BRD1: variants seen among roughly 807,000 people sequenced by gnomAD.
The protein encoded by BRD1 is bromodomain-containing protein 1.
In BRD1, 24 loss-of-function variants were observed where a neutral mutation model predicts 107.7. The observed-to-expected ratio is 0.22, with a 90% CI of 0.16 to 0.31. The LOEUF (loss-of-function observed/expected upper bound fraction) is 0.31. Among genes scored for constraint, BRD1 ranks in the 10% least tolerant of loss-of-function variants. The pLI is 1.00. For missense variants in BRD1, 1,279 were observed against 1,638.6 expected (o/e 0.78, Z 3.79); for synonymous variants, 744 against 686.1 (o/e 1.08, Z -1.32).
intron 11 of BRD1, 114 bp downstream of exon 11, chr22:49,775,936 C>T: frequency 1.6e-6 from 2 of 1,220,366 alleles, no homozygotes; most frequent in Non-Finnish European, 2.3e-6. Flanking sequence ...CCCCGCCCCC[C>T]CGCCAGCTGT....
intron 6 of BRD1, among the ~76,000 whole-genome samples, chr22:49,796,159 C>T (rs1269266496): frequency 5.3e-5 from 8 of 150,970 alleles, no homozygotes; most frequent in Non-Finnish European, 8.8e-5. Context: ...GGCGTAATCT[C>T]GGCTCACTGA....
At chr22:49,801,175 G>A (rs747390048) in intron 3 of BRD1, among the ~76,000 whole-genome samples, 2 of 152,230 alleles carry the variant, frequency 1.3e-5, no homozygotes, top group South Asian at 2.1e-4. Flanking sequence ...GGTGGGCCAC[G>A]GGAGCAGGAG....
chr22:49,824,616 C>T lies in BRD1; in HGVS notation c.-14-285G>A. 8.1e-7 allele frequency: 1 copy of T among 1,238,926 alleles called. No homozygotes were observed. The highest frequency in any genetic ancestry group is 1.0e-6 in the Non-Finnish European group (1 of 980,700). 76.7% of individuals were successfully genotyped at this position (1,238,926 alleles called of 1,614,324 possible). On this transcript the variant is annotated intron_variant, in intron 1 of 12. Transcript: ENST00000404760. The surrounding 1 kb of genome is among the most constrained non-coding windows in gnomAD (Gnocchi z 5.9). ...ACACCAGTCCCCTCTCAGACCACAC[C>T]AACAGGCTGCGGAGACCACAGCAAC...
intron 3 of BRD1, among the ~76,000 whole-genome samples, chr22:49,800,923 G>A (rs951259184): frequency 3.0e-5 from 1 of 33,630 alleles, no homozygotes; most frequent in Non-Finnish European, 5.5e-5. Flanking sequence ...GGTTAAAATC[G>A]CCTCTGCTGG....
chr22:49,787,300 C>CT, intron 8 of BRD1, 90 bp downstream of exon 8: 2 of 157,358 alleles, frequency 1.3e-5, no homozygotes, highest in Admixed American at 9.5e-5. Context: ...AAGCTGGACA[C>CT]CCCCCCCCCC....
intron 8 of BRD1, among the ~76,000 whole-genome samples, chr22:49,779,287 C>T (rs151003530): frequency 1.8e-3 from 270 of 152,254 alleles, no homozygotes; most frequent in East Asian, 0.014. Flanking sequence ...TCAATGAGCA[C>T]GACCGACTTT....
chr22:49,801,248 G>A (rs538202334), intron 3 of BRD1, among the ~76,000 whole-genome samples: 7 of 152,304 alleles, frequency 4.6e-5, no homozygotes, highest in East Asian at 1.9e-4. Context: ...CTAAGCTGCC[G>A]CCCCCGTTCT....
At chr22:49,813,381 G>A (rs1376135818) in intron 2 of BRD1, among the ~76,000 whole-genome samples, 2 of 151,854 alleles carry the variant, frequency 1.3e-5, no homozygotes, top group South Asian at 2.1e-4. Context: ...CCACCACCAC[G>A]ACCAGCTAAT....
chr22:49,786,625 A>C (rs543920966), intron 8 of BRD1, among the ~76,000 whole-genome samples: 80 of 152,318 alleles, frequency 5.3e-4, no homozygotes, highest in African/African-American at 1.9e-3. Flanking sequence ...GTCCTCTCAG[A>C]GGTCCAGGGA....
At chr22:49,786,171 A>G (rs1219954128) in intron 8 of BRD1, among the ~76,000 whole-genome samples, 1 of 152,128 alleles carries the variant, frequency 6.6e-6, no homozygotes, top group East Asian at 1.9e-4. Context: ...ACAGGCAGAC[A>G]GGACAGACGG....
rs1250684480 is a variant in BRD1, at chr22:49,803,616, A to G, written c.1524+588T>C. 3.3e-5 allele frequency among the ~76,000 whole-genome samples: 5 copies of G among 152,178 alleles called. No homozygotes were observed. Among genetic ancestry groups the G allele is most frequent in the Admixed American group, 3.3e-4 (5 of 15,286 alleles). ...AAACTCAAACCTACTATCAAAATGT[A>G]AGAGTTTGGGTTTGTTCTTTTAAAA... On this transcript the variant is annotated intron_variant, in intron 3 of 12. Coordinates refer to ENST00000404760, the MANE Select transcript of BRD1 (RefSeq NM_001304808.3). This position sits in a 1 kb window ranked among gnomAD's most constrained non-coding sequence, Gnocchi z 4.4.
intron 3 of BRD1, among the ~76,000 whole-genome samples, chr22:49,799,806 G>C (rs1454747189): frequency 6.6e-6 from 1 of 152,198 alleles, no homozygotes; most frequent in African/African-American, 2.4e-5. Context: ...CCCTGCAAAG[G>C]CCATGACACA....
At position 49,777,166 on chromosome 22, in the gene BRD1, G is replaced by A. The variant is rs199924628; in HGVS notation, c.2994-5C>T. ...CCACATTTGGGCGCATTAAAGCTTC[G>A]GGAGGAAGAGCAGAGGGAGTCAGGC... is the stretch of plus-strand genomic sequence containing the variant. On this transcript the variant is annotated splice_polypyrimidine_tract_variant and splice_region_variant and intron_variant, in intron 9 of 12. Transcript: ENST00000404760. The A allele has an allele frequency of 2.0e-5, 33 of 1,612,392 alleles. No individual in the cohort carries two copies. Among genetic ancestry groups the A allele is most frequent in the East Asian group, 2.0e-4 (9 of 44,872 alleles).
At chr22:49,802,645 C>T (rs1266690974) in intron 3 of BRD1, among the ~76,000 whole-genome samples, 9 of 127,616 alleles carry the variant, frequency 7.1e-5, no homozygotes, top group African/African-American at 2.4e-4. Flanking sequence ...TCCCCAACAT[C>T]GCGGGGGCCG....
chr22:49,809,391 T>C (rs903023994), intron 2 of BRD1, among the ~76,000 whole-genome samples: 2 of 151,700 alleles, frequency 1.3e-5, no homozygotes, highest in African/African-American at 4.8e-5. Context: ...AATACAAAAA[T>C]TAGCCAGGCG....
intron 6 of BRD1, among the ~76,000 whole-genome samples, chr22:49,794,545 G>A (rs180917345): frequency 3.2e-4 from 49 of 152,340 alleles, no homozygotes; most frequent in African/African-American, 8.2e-4. Context: ...CACAGAAGGG[G>A]CAGCGTCCAG....
rs1422746720 is a variant in BRD1, at chr22:49,824,280, G to A, written c.38C>T (p.Ala13Val). Residue 13 changes from alanine to valine, a missense_variant, in exon 2 of 13, where the codon GCG becomes GTG. By Grantham distance (64) the Ala-to-Val change is moderately conservative. Transcript: ENST00000404760. The surrounding 1 kb of genome is among the most constrained non-coding windows in gnomAD (Gnocchi z 5.9). ...ACTGCATGGGGAAGAAGGATGCCTC[G>A]CTGCAGAGCCTCGATGACATCGTCC... The part of the protein sequence containing the change: ...RKGRCHRGSA[A>V]RHPSSPCSVK... 9.3e-6 allele frequency: 15 copies of A among 1,613,938 alleles called. No individual in the cohort carries two copies. The highest frequency in any genetic ancestry group is 1.3e-5 in the African/African-American group (1 of 75,044).
rs2059115779 is a variant in BRD1 at position 49,777,116 on chromosome 22, T to C, written c.3039A>G (p.Arg1013=). 12 of 1,613,198 alleles carry C rather than the reference T, an allele frequency of 7.4e-6. No homozygotes were observed. Among genetic ancestry groups the C allele is most frequent in the African/African-American group, 4.0e-5 (3 of 74,950 alleles). The change falls in exon 10 of 13, where the codon CGA becomes CGG. Residue 1013 remains arginine (R), a synonymous_variant. Transcript: ENST00000404760. ...CACTGCGGTCCTCCAGCGTGTGCCG[T>C]CGCACAAGAGCCGGTTTGCCCCGCC... ...KCGRGKPALV[R]RHTLEDRSEL...
At chr22:49,790,904 G>A (rs1176490626) in intron 7 of BRD1, among the ~76,000 whole-genome samples, 1 of 152,248 alleles carries the variant, frequency 6.6e-6, no homozygotes, top group Admixed American at 6.5e-5. Flanking sequence ...GACCACAGCT[G>A]CCCTGGACTA....
Sources: allele counts gnomAD v4.1 joint callset (sites outside exome capture counted in the v4.1 genomes callset), GRCh38; gene constraint gnomAD v4.1.1; non-coding constraint Gnocchi (gnomAD v3.1); transcripts MANE v1.5; gene names NCBI Gene and HGNC (gene_info 2026-07-23, HGNC 2026-07-21).